Variants in SLC44A3 observed in about 807,000 individuals in gnomAD.
SLC44A3 encodes choline transporter-like protein 3.
In SLC44A3, 74 loss-of-function variants were observed where a neutral mutation model predicts 75.4. That is an observed-to-expected ratio of 0.98 (90% CI 0.81 to 1.19). SLC44A3 has a LOEUF of 1.19. SLC44A3 is among the 50% of genes most tolerant of loss of function. The pLI is 0.00. For missense variants in SLC44A3, 700 were observed against 778.6 expected, an observed-to-expected ratio of 0.90 and a Z score of 1.20; for synonymous variants, 310 against 296.9, an observed-to-expected ratio of 1.04 and a Z score of -0.45.
chr1:94,891,056 ACT>A (rs1298115929), intron 12 of SLC44A3, 72 bp from the exon 13 acceptor site: 2 of 1,345,624 alleles, frequency 1.5e-6, no homozygotes, highest in Non-Finnish European at 2.0e-6. Flanking sequence ...GTTTGCAAAC[ACT>A]CTGTATTAAT....
intron 12 of SLC44A3, among the ~76,000 whole-genome samples, chr1:94,887,971 A>C (rs960780219): frequency 2.0e-5 from 3 of 152,202 alleles, no homozygotes; most frequent in African/African-American, 7.2e-5. Flanking sequence ...AAATGAGATC[A>C]TCTTTGGTGA....
rs906662732 is a variant in SLC44A3, at chr1:94,820,879, T to C, written c.28-70T>C. On this transcript the variant is annotated intron_variant, in intron 1 of 14. Coordinates refer to ENST00000271227, the MANE Select transcript of SLC44A3 (RefSeq NM_001114106.3). ...TTACTTTGGCCCCTCTTCGAGTAGA[T>C]TTGGGTTCGGTTTCCAGGTTGAGTC... is the stretch of plus-strand genomic sequence containing the variant. 2.0e-5 allele frequency: 29 copies of C among 1,419,758 alleles called. No individual in the cohort carries two copies. In the Admixed American group the frequency reaches 2.5e-4, roughly 12 times the overall value. 87.9% of individuals were successfully genotyped at this position (1,419,758 alleles called of 1,614,324 possible).
At chr1:94,860,237 A>T (rs541239433) in intron 10 of SLC44A3, among the ~76,000 whole-genome samples, 2 of 152,346 alleles carry the variant, frequency 1.3e-5, no homozygotes, top group South Asian at 4.1e-4. Context: ...AGAAGGGCAT[A>T]GTGAGAAAAC....
intron 12 of SLC44A3, among the ~76,000 whole-genome samples, chr1:94,889,606 A>G (rs1237922687): frequency 6.6e-6 from 1 of 152,102 alleles, no homozygotes; most frequent in Non-Finnish European, 1.5e-5. Context: ...TGCTTAAGAA[A>G]TTATCTAAAA....
chr1:94,831,675 T>C lies in SLC44A3; in HGVS notation c.509+3089T>C, dbSNP rs115406684. Among the ~76,000 whole-genome samples, 806 of 152,308 alleles carry C rather than the reference T, an allele frequency of 5.3e-3. 7 individuals carry two copies. The highest frequency in any genetic ancestry group is 0.019 in the African/African-American group (782 of 41,568). ...TTCAAAATCTAAAAGGCGTGGATAT[T>C]TTCCCCCCAGTAAATTCTAGTTCTA... On this transcript the variant is annotated intron_variant, in intron 5 of 14. Coordinates refer to ENST00000271227, the MANE Select transcript of SLC44A3 (RefSeq NM_001114106.3).
chr1:94,848,850 G>A (rs879899868), intron 9 of SLC44A3, among the ~76,000 whole-genome samples: 2 of 152,148 alleles, frequency 1.3e-5, no homozygotes, highest in Non-Finnish European at 2.9e-5. Context: ...CCCATGCTGT[G>A]AGTCAGGGAG....
At chr1:94,864,240 G>A (rs1411826518) in intron 10 of SLC44A3, among the ~76,000 whole-genome samples, 2 of 152,186 alleles carry the variant, frequency 1.3e-5, no homozygotes, top group African/African-American at 4.8e-5. Context: ...CTAGAGCTGT[G>A]TAGGAGCCAA....
rs1661049868 is a variant in SLC44A3 at position 94,824,577 on chromosome 1, A to C, written c.220A>C (p.Lys74Gln). 1.2e-6 allele frequency: 2 copies of C among 1,612,372 alleles called. No homozygotes were observed. The highest frequency in any genetic ancestry group is 3.4e-5 in the Admixed American group (2 of 59,438). ...GYDSFGNMCG[K>Q]KNSPVEGAPL... ...TGACAGCTTTGGCAACATGTGTGGC[A>C]AGAAGAACTCCCCCGTGGAAGGGGC... The change falls in exon 3 of 15, where the codon AAG (lysine) becomes CAG (glutamine). Residue 74 changes from lysine (K) to glutamine (Q), a missense_variant. Coordinates refer to ENST00000271227, the MANE Select transcript of SLC44A3 (RefSeq NM_001114106.3).
chr1:94,880,385 T>C (rs754255722), intron 12 of SLC44A3, among the ~76,000 whole-genome samples: 2 of 152,228 alleles, frequency 1.3e-5, no homozygotes, highest in African/African-American at 2.4e-5. Flanking sequence ...TCCTGTCATA[T>C]GCTACAACAT....
intron 2 of SLC44A3, 47 bp from the exon 3 acceptor site, chr1:94,824,446 G>C (rs1661026614): frequency 6.5e-7 from 1 of 1,541,466 alleles, no homozygotes; most frequent in Admixed American, 2.2e-5. Flanking sequence ...GGGGCACTGT[G>C]CGCTCAGCCC....
chr1:94,835,575 C>T (rs1662670830), intron 5 of SLC44A3, among the ~76,000 whole-genome samples: 1 of 152,176 alleles, frequency 6.6e-6, no homozygotes, highest in Admixed American at 6.5e-5. Context: ...TTAAAGTTTA[C>T]TTTTAAAAAT....
At chr1:94,886,941 CACCT>C (rs1400254183) in intron 12 of SLC44A3, among the ~76,000 whole-genome samples, 5 of 152,032 alleles carry the variant, frequency 3.3e-5, no homozygotes, top group African/African-American at 1.2e-4. Context: ...AATATCCACC[CACCT>C]GTTTTGTGAT....
chr1:94,842,692 G>A (rs577403882), intron 8 of SLC44A3, among the ~76,000 whole-genome samples: 6 of 152,348 alleles, frequency 3.9e-5, no homozygotes, highest in South Asian at 2.1e-4. Flanking sequence ...TCCAGGGGCC[G>A]TTAGGAAGGC....
intron 1 of SLC44A3, 47 bp from the exon 2 acceptor site, chr1:94,820,902 G>C (rs1318141721): frequency 1.3e-6 from 2 of 1,508,032 alleles, no homozygotes; most frequent in Non-Finnish European, 1.8e-6. Flanking sequence ...TCCAGGTTGA[G>C]TCCACCTGTT....
In SLC44A3 at chr1:94,891,209, A is replaced by G. The variant is rs957493658; in HGVS notation, c.1562A>G (p.Asn521Ser). 6.2e-6 allele frequency: 10 copies of G among 1,613,578 alleles called. No individual in the cohort carries two copies. The highest frequency in any genetic ancestry group is 8.5e-6 in the Non-Finnish European group (10 of 1,179,812). ...GATGCATTCAAAATCTTGTCCAAGA[A>G]CTCAAGTCACTTTACATCTATTAAC... ...AKDAFKILSKNSSHFTSINCF... is the reference protein window; with the variant it reads ...AKDAFKILSKSSSHFTSINCF... The change falls in exon 13 of 15, where the codon AAC becomes AGC. Residue 521 changes from asparagine to serine, a missense_variant. Coordinates refer to ENST00000271227, the MANE Select transcript of SLC44A3 (RefSeq NM_001114106.3).
chr1:94,852,331 G>T (rs1279906221), intron 9 of SLC44A3, among the ~76,000 whole-genome samples: 1 of 152,130 alleles, frequency 6.6e-6, no homozygotes. Context: ...TGACGATCAG[G>T]GGTGCCTCAC....
intron 12 of SLC44A3, among the ~76,000 whole-genome samples, chr1:94,874,965 C>G (rs1341447126): frequency 6.6e-6 from 1 of 152,218 alleles, no homozygotes; most frequent in Non-Finnish European, 1.5e-5. Flanking sequence ...AATATGAAAT[C>G]ATCTGATTGG....
In SLC44A3 at chr1:94,894,817, G is replaced by A; in HGVS notation, c.1858-1G>A. Reference sequence around the variant, plus strand: ...TTCTAACTTGTTCTTTTGTTTTTCAGAGTTTCGTAAAAAGGAGCAACAAAT... The same window carrying A: ...TTCTAACTTGTTCTTTTGTTTTTCAAAGTTTCGTAAAAAGGAGCAACAAAT... On this transcript the variant is annotated splice_acceptor_variant, in intron 14 of 14. Transcript: ENST00000271227. LOFTEE classifies it high-confidence loss of function. The A allele has an allele frequency of 1.2e-6, 2 of 1,607,870 alleles. No individual in the cohort carries two copies. The highest frequency in any genetic ancestry group is 2.2e-5 in the South Asian group (2 of 89,930).
At chr1:94,849,361 C>A (rs1042229594) in intron 9 of SLC44A3, among the ~76,000 whole-genome samples, 17 of 152,298 alleles carry the variant, frequency 1.1e-4, no homozygotes, top group Admixed American at 5.2e-4. Flanking sequence ...CCCTTCCCCA[C>A]CCCGCTGGGG....
Sources: allele counts gnomAD v4.1 joint callset (sites outside exome capture counted in the v4.1 genomes callset), GRCh38; gene constraint gnomAD v4.1.1; transcripts MANE v1.5; gene names NCBI Gene and HGNC (gene_info 2026-07-23, HGNC 2026-07-21).